The following STAB2 variants were observed in gnomAD, a reference collection of about 807,000 sequenced individuals.
STAB2 encodes stabilin-2.
STAB2 carries 288 observed loss-of-function variants against 338.1 expected under a neutral mutation model. The observed-to-expected ratio is 0.85, with a 90% confidence interval of 0.77 to 0.94. The LOEUF is 0.94. Ranked by LOEUF, STAB2 falls within the 40% of genes least tolerant of loss-of-function variation. STAB2 has a pLI of 0.00. For synonymous variants in STAB2, 1,202 were observed against 1,193.3 expected, an observed-to-expected ratio of 1.01 and a Z score of -0.15; for missense variants, 3,141 against 3,210.1, an observed-to-expected ratio of 0.98 and a Z score of 0.52.
intron 7 of STAB2, 45 bp from the exon 8 acceptor site, chr12:103,637,971 A>G: frequency 6.3e-7 from 1 of 1,579,206 alleles, no homozygotes; most frequent in Non-Finnish European, 8.7e-7. Context: ...TTCCTTCTCC[A>G]TCCCCGTTAA....
In STAB2 at chr12:103,753,275, C is replaced by G; in HGVS notation, c.6636C>G (p.Thr2212=). Residue 2212 remains threonine (T), a synonymous_variant, in exon 61 of 69, where the codon ACC becomes ACG. Coordinates refer to ENST00000388887, the MANE Select transcript of STAB2 (RefSeq NM_017564.10). ...LRSPLGQYKL[T]FDKAREACAN... Reference sequence around the variant, plus strand: ...CCCCACTGGGCCAGTATAAGCTGACCTTTGACAAAGCCAGAGAGGCCTGTG... The same window carrying G: ...CCCCACTGGGCCAGTATAAGCTGACGTTTGACAAAGCCAGAGAGGCCTGTG... 6.2e-7 allele frequency: 1 copy of G among 1,614,248 alleles called. No individual in the cohort carries two copies.
intron 9 of STAB2, among the ~76,000 whole-genome samples, chr12:103,647,317 T>C (rs569107764): frequency 1.2e-4 from 19 of 152,192 alleles, no homozygotes; most frequent in African/African-American, 4.6e-4. Context: ...GAAACACACG[T>C]GGATTAACCA....
chr12:103,644,530 AAAAT>A (rs58759684), intron 9 of STAB2, among the ~76,000 whole-genome samples: 1,710 of 144,130 alleles, frequency 0.012, 26 homozygotes, highest in African/African-American at 0.03. Flanking sequence ...ATGATCAATA[AAAAT>A]AAATAAATAA....
intron 17 of STAB2, among the ~76,000 whole-genome samples, chr12:103,661,363 G>A (rs1874605384): frequency 6.6e-6 from 1 of 152,172 alleles, no homozygotes; most frequent in Admixed American, 6.5e-5. Context: ...CAGCAGCACA[G>A]GGTTGATATA....
chr12:103,669,713 T>C (rs117725624), intron 21 of STAB2, 86 bp downstream of exon 21: 1,195 of 1,212,310 alleles, frequency 9.9e-4, no homozygotes, highest in Non-Finnish European at 1.3e-3. Flanking sequence ...TAATGCCAGC[T>C]ACTCTTCCCA....
chr12:103,682,309 C>T (rs890984286), intron 25 of STAB2, among the ~76,000 whole-genome samples: 1 of 152,082 alleles, frequency 6.6e-6, no homozygotes, highest in African/African-American at 2.4e-5. Context: ...AGCCCTTGTG[C>T]ACAATTACAG....
Position 103,757,984 on chromosome 12 carries a change from C to T in STAB2, c.6988-186C>T, listed in dbSNP as rs1275585197. 20 of 801,904 alleles carry T rather than the reference C, an allele frequency of 2.5e-5. No individual in the cohort carries two copies. In the Admixed American group the frequency reaches 5.0e-4, roughly 20 times the overall value. 49.7% of individuals were successfully genotyped at this position (801,904 alleles called of 1,614,324 possible). On this transcript the variant is annotated intron_variant, in intron 63 of 68. Coordinates refer to ENST00000388887, the MANE Select transcript of STAB2 (RefSeq NM_017564.10). ...GCTGTGTCTTAAACCATAGGATTCACTGAGGAAAGGAAAAGTCCTCAAACT... is the reference window on the plus strand; with the variant it reads ...GCTGTGTCTTAAACCATAGGATTCATTGAGGAAAGGAAAAGTCCTCAAACT...
chr12:103,647,647 A>G (rs564975955), intron 9 of STAB2, among the ~76,000 whole-genome samples: 1 of 152,354 alleles, frequency 6.6e-6, no homozygotes, highest in South Asian at 2.1e-4. Context: ...CAGAAATTTC[A>G]CAAGAGGGTT....
At chr12:103,702,022 A>ACACACACACC (rs1555242449) in intron 34 of STAB2, among the ~76,000 whole-genome samples, 1 of 122,332 alleles carries the variant, frequency 8.2e-6, no homozygotes, top group Non-Finnish European at 1.8e-5. Context: ...ACACACACAC[A>ACACACACACC]CCCCACCCCA....
At chr12:103,659,786 G>C (rs1874458782) in intron 15 of STAB2, among the ~76,000 whole-genome samples, 1 of 152,208 alleles carries the variant, frequency 6.6e-6, no homozygotes, top group Non-Finnish European at 1.5e-5. Flanking sequence ...TGAAGGAGAG[G>C]GACAAACTTC....
At chr12:103,756,662 G>A (rs2139216805) in intron 63 of STAB2, among the ~76,000 whole-genome samples, 1 of 152,224 alleles carries the variant, frequency 6.6e-6, no homozygotes, top group South Asian at 2.1e-4. Context: ...ACGGAACAAG[G>A]ACAGCCTGGG....
intron 49 of STAB2, among the ~76,000 whole-genome samples, chr12:103,730,569 A>AT (rs1179566152): frequency 6.6e-6 from 1 of 152,184 alleles, no homozygotes; most frequent in East Asian, 1.9e-4. Flanking sequence ...AGAAAATGTA[A>AT]TTTTAACTTT....
intron 33 of STAB2, among the ~76,000 whole-genome samples, chr12:103,698,895 G>A (rs1029642143): frequency 5.9e-5 from 9 of 152,160 alleles, no homozygotes; most frequent in Non-Finnish European, 1.3e-4. Context: ...GTGCTATCTG[G>A]AAAATTTGTA....
At chr12:103,620,986 A>G (rs1356214890) in intron 4 of STAB2, among the ~76,000 whole-genome samples, 6 of 152,172 alleles carry the variant, frequency 3.9e-5, no homozygotes, top group South Asian at 4.2e-4. Context: ...AGTCCCAGCT[A>G]CTCAGGAGGC....
At chr12:103,712,288 G>T in intron 40 of STAB2, 79 bp from the exon 41 acceptor site, 2 of 1,096,500 alleles carry the variant, frequency 1.8e-6, no homozygotes, top group Non-Finnish European at 2.8e-6. Flanking sequence ...AGGATACTGA[G>T]GGTGAAGGGC....
At chr12:103,608,214 C>T (rs1055074671) in intron 3 of STAB2, among the ~76,000 whole-genome samples, 2 of 152,210 alleles carry the variant, frequency 1.3e-5, no homozygotes, top group African/African-American at 4.8e-5. Flanking sequence ...TCTTGGCTCA[C>T]TGCAAGCTCC....
Position 103,707,085 on chromosome 12 carries a change from G to C in STAB2, c.4192+98G>C, listed in dbSNP as rs1404417179. 2.0e-5 allele frequency: 27 copies of C among 1,373,508 alleles called. No homozygotes were observed. In the East Asian group the frequency reaches 4.2e-4, roughly 21 times the overall value. The allele number at this position is 1,373,508 out of a possible 1,614,324, so 85.1% of individuals were successfully genotyped here. The stretch of plus-strand genomic sequence containing the variant: ...CCCACACGTGCTCTCTAGCTGGCCT[G>C]TCGCCCCAAGTGGGCTGGAATCCCA... On this transcript the variant is annotated intron_variant, in intron 38 of 68. Transcript: ENST00000388887.
intron 66 of STAB2, 73 bp from the exon 67 acceptor site, chr12:103,762,201 G>C: frequency 6.3e-7 from 1 of 1,585,636 alleles, no homozygotes; most frequent in Non-Finnish European, 8.6e-7. Context: ...AGAATGCCTC[G>C]GGCCACCAAG....
chr12:103,749,248 G>A, intron 59 of STAB2, 92 bp downstream of exon 59: 1 of 1,330,646 alleles, frequency 7.5e-7, no homozygotes, highest in South Asian at 1.7e-5. Flanking sequence ...CTTATCTCCT[G>A]GACTCTTCCT....
Sources: gnomAD v4.1 joint callset for allele counts (sites outside exome capture counted in the v4.1 genomes callset) on GRCh38, gnomAD v4.1.1 for gene constraint, MANE v1.5 for transcripts, NCBI Gene and HGNC (gene_info 2026-07-23, HGNC 2026-07-21) for gene names.